Variants in IPO11 observed in about 807,000 individuals in gnomAD.
The protein encoded by IPO11 is importin-11.
In IPO11, 66 loss-of-function variants were observed where a neutral mutation model predicts 143.2. The ratio of observed to expected loss-of-function variants is 0.46; its 90% CI spans 0.38 to 0.57. The LOEUF (loss-of-function observed/expected upper bound fraction) is 0.57, where lower values mean the gene tolerates loss of function less well. Among genes scored for constraint, IPO11 ranks in the 20% least tolerant of loss-of-function variants. The probability of loss-of-function intolerance (pLI) is 0.00; values close to 1 mark genes in which losing one functional copy is unlikely to be tolerated. For missense variants in IPO11, 1,026 were observed against 1,141.0 expected, an observed-to-expected ratio of 0.90 and a Z score of 1.45; for synonymous variants, 385 against 377.8, an observed-to-expected ratio of 1.02 and a Z score of -0.22.
At chr5:62,523,746 A>C (rs1174220844) in intron 20 of IPO11, among the ~76,000 whole-genome samples, 1 of 152,188 alleles carries the variant, frequency 6.6e-6, no homozygotes, top group African/African-American at 2.4e-5. Flanking sequence ...TTAGAAGTTG[A>C]GATAACCTTC....
chr5:62,491,519 C>T (rs538054022), intron 15 of IPO11, among the ~76,000 whole-genome samples: 2 of 152,146 alleles, frequency 1.3e-5, no homozygotes, highest in Non-Finnish European at 2.9e-5. Context: ...AGCTATTGAG[C>T]ACTTGAAATG....
intron 29 of IPO11, among the ~76,000 whole-genome samples, chr5:62,621,442 C>G (rs1395378367): frequency 6.6e-6 from 1 of 152,192 alleles, no homozygotes; most frequent in Admixed American, 6.5e-5. Flanking sequence ...AGGCTCCTCC[C>G]CCTGCAAATG....
At chr5:62,489,470 CTGAT>C (rs1222649384) in intron 14 of IPO11, 121 bp downstream of exon 14, 7 of 595,978 alleles carry the variant, frequency 1.2e-5, no homozygotes, top group African/African-American at 3.8e-5. Flanking sequence ...CAGGAACAAT[CTGAT>C]TGGGGAGATA....
intron 27 of IPO11, among the ~76,000 whole-genome samples, chr5:62,587,195 G>A (rs1389045064): frequency 4.6e-5 from 7 of 151,914 alleles, no homozygotes; most frequent in Non-Finnish European, 7.4e-5. Flanking sequence ...GTGTGTGTGT[G>A]CACTCAAAAA....
chr5:62,573,830 A>T (rs1318112149), intron 27 of IPO11, among the ~76,000 whole-genome samples: 1 of 152,174 alleles, frequency 6.6e-6, no homozygotes, highest in African/African-American at 2.4e-5. Context: ...CCCCTGCAGT[A>T]TTGTACATAT....
chr5:62,461,009 CTTCT>C (rs1745341114), intron 5 of IPO11, among the ~76,000 whole-genome samples: 1 of 152,104 alleles, frequency 6.6e-6, no homozygotes, highest in African/African-American at 2.4e-5. Flanking sequence ...CCTGTTGTTT[CTTCT>C]TTCTTTATCT....
intron 28 of IPO11, among the ~76,000 whole-genome samples, chr5:62,592,882 G>C (rs1249519009): frequency 2.0e-5 from 3 of 152,118 alleles, no homozygotes; most frequent in African/African-American, 7.2e-5. Context: ...ATGACACATG[G>C]GGATTATGGG....
chr5:62,601,831 G>A lies in IPO11; in HGVS notation c.2746G>A (p.Asp916Asn), dbSNP rs1361160930. The A allele has an allele frequency of 6.3e-7, 1 of 1,589,350 alleles. No individual in the cohort carries two copies. The highest frequency in any genetic ancestry group is 1.8e-5 in the Admixed American group (1 of 56,892). The change falls in exon 29 of 30, where the codon GAT becomes AAT. Residue 916 changes from aspartate (D) to asparagine (N), a missense_variant. Around this residue, in one of 5 missense-constraint regions of IPO11, gnomAD observed 351 missense variants for 358.9 expected, o/e 0.98. Transcript: ENST00000325324. ...TEDEEPPTEQDKRKKMLALKD... is the reference protein window; with the variant it reads ...TEDEEPPTEQNKRKKMLALKD... ...AGATGAAGAACCACCCACAGAACAAGATAAGAGGAAAAAGATGGTAAGTTA... is the reference window on the plus strand; with the variant it reads ...AGATGAAGAACCACCCACAGAACAAAATAAGAGGAAAAAGATGGTAAGTTA...
At chr5:62,477,315 C>T (rs935726739) in intron 9 of IPO11, among the ~76,000 whole-genome samples, 23 of 152,162 alleles carry the variant, frequency 1.5e-4, no homozygotes, top group Non-Finnish European at 4.4e-5. Context: ...AGCTTGGGGA[C>T]TGCTTGCACT....
At chr5:62,603,591 G>A (rs1745587143) in intron 29 of IPO11, among the ~76,000 whole-genome samples, 1 of 152,142 alleles carries the variant, frequency 6.6e-6, no homozygotes, top group Admixed American at 6.5e-5. Context: ...TTCCTGACAG[G>A]GTGCACTTGC....
intron 21 of IPO11, chr5:62,526,512 G>T: frequency 7.2e-6 from 2 of 277,422 alleles, no homozygotes; most frequent in Admixed American, 4.9e-5. Flanking sequence ...ATGTAATATG[G>T]GGTCATGGTA....
intron 2 of IPO11, among the ~76,000 whole-genome samples, chr5:62,440,402 T>G (rs575991411): frequency 2.7e-5 from 4 of 149,520 alleles, no homozygotes; most frequent in African/African-American, 9.9e-5. Flanking sequence ...TTGCCCAGGC[T>G]GGAGTGCAGT....
intron 22 of IPO11, 40 bp downstream of exon 22, chr5:62,530,825 C>A: frequency 6.8e-7 from 1 of 1,476,700 alleles, no homozygotes; most frequent in Non-Finnish European, 9.4e-7. Flanking sequence ...TTTTTGAATG[C>A]AACCATAATT....
chr5:62,429,206 A>T (rs1014689914), intron 1 of IPO11, among the ~76,000 whole-genome samples: 2 of 151,736 alleles, frequency 1.3e-5, no homozygotes, highest in African/African-American at 4.9e-5. Context: ...CACTTAATCT[A>T]CTTCTTTGTG....
At chr5:62,579,117 A>G (rs192396268) in intron 27 of IPO11, among the ~76,000 whole-genome samples, 1 of 152,136 alleles carries the variant, frequency 6.6e-6, no homozygotes, top group African/African-American at 2.4e-5. Flanking sequence ...TCATTCCTAC[A>G]TCATTTGTCA....
intron 1 of IPO11, among the ~76,000 whole-genome samples, chr5:62,417,314 T>A: frequency 6.9e-6 from 1 of 144,662 alleles, no homozygotes; most frequent in Non-Finnish European, 1.5e-5. Context: ...CACCTCCTTA[T>A]TGGTTAATTT....
intron 29 of IPO11, among the ~76,000 whole-genome samples, chr5:62,606,837 G>T (rs931243584): frequency 1.1e-4 from 16 of 152,224 alleles, no homozygotes; most frequent in African/African-American, 3.9e-4. Context: ...TGCAGCTCTG[G>T]CAAGCTTGGC....
At chr5:62,468,528 A>T (rs1745644667) in intron 6 of IPO11, among the ~76,000 whole-genome samples, 1 of 152,254 alleles carries the variant, frequency 6.6e-6, no homozygotes, top group Non-Finnish European at 1.5e-5. Flanking sequence ...AACATTCTTG[A>T]GGAAGAAATT....
At chr5:62,599,925 TAG>T (rs1336570273) in intron 28 of IPO11, among the ~76,000 whole-genome samples, 1 of 152,226 alleles carries the variant, frequency 6.6e-6, no homozygotes, top group African/African-American at 2.4e-5. Flanking sequence ...AGGACAGTTT[TAG>T]CTTTGGGCTT....
Sources: allele counts gnomAD v4.1 joint callset (sites outside exome capture counted in the v4.1 genomes callset), GRCh38; gene constraint gnomAD v4.1.1; regional missense constraint gnomAD v4.1.1; transcripts MANE v1.5; gene names NCBI Gene and HGNC (gene_info 2026-07-23, HGNC 2026-07-21).